Variants in GALM observed in about 807,000 individuals in gnomAD.
The protein encoded by GALM is aldose 1-epimerase.
Under a neutral mutation model 37.4 loss-of-function variants are expected in GALM, and 43 were observed. The observed-to-expected ratio is 1.15, with a 90% CI of 0.90 to 1.48. GALM has a LOEUF of 1.48. Among genes scored for constraint, GALM ranks in the 40% most tolerant of loss-of-function variants. The probability of loss-of-function intolerance (pLI) is 0.00; values close to 1 mark genes in which losing one functional copy is unlikely to be tolerated. For synonymous variants in GALM, 199 were observed against 170.6 expected, an observed-to-expected ratio of 1.17 and a Z score of -1.30; for missense variants, 456 against 419.1, an observed-to-expected ratio of 1.09 and a Z score of -0.77.
chr2:38,690,037 G>A, intron 4 of GALM, 143 bp downstream of exon 4: 5 of 582,896 alleles, frequency 8.6e-6, no homozygotes, highest in Non-Finnish European at 1.5e-5. Context: ...TAATTTCTTA[G>A]TTTTGATATG....
At chr2:38,732,610 C>T (rs1666629580) in intron 6 of GALM, among the ~76,000 whole-genome samples, 1 of 152,178 alleles carries the variant, frequency 6.6e-6, no homozygotes, top group African/African-American at 2.4e-5. Context: ...CCTGAAAGTG[C>T]CAGCCCACAA....
At chr2:38,703,080 ATATATATATATATTTTTT>A (rs1665957468) in intron 4 of GALM, among the ~76,000 whole-genome samples, 1 of 6,892 alleles carries the variant, frequency 1.5e-4, no homozygotes, top group Non-Finnish European at 3.1e-4. Flanking sequence ...ATATATATAT[ATATATATATATATTTTTT>A]TTTTTTTTTT....
chr2:38,726,740 A>G (rs1345017371), intron 4 of GALM, among the ~76,000 whole-genome samples: 2 of 151,510 alleles, frequency 1.3e-5, no homozygotes, highest in Non-Finnish European at 2.9e-5. Flanking sequence ...TACTAAAAAT[A>G]CAACAATTAG....
Position 38,731,844 on chromosome 2 carries a change from G to A in GALM, c.886G>A (p.Ala296Thr), listed in dbSNP as rs536111413. 27 of 1,614,106 alleles carry A rather than the reference G, an allele frequency of 1.7e-5. No homozygotes were observed. The South Asian group carries it at 2.4e-4, about 14-fold the overall frequency. The change falls in exon 6 of 7, where the codon GCT (alanine) becomes ACT (threonine). Residue 296 changes from alanine to threonine, a missense_variant. Transcript: ENST00000272252. ...LDGTLKGKNG[A>T]VYPKHSGFCL... ...TGGCACATTAAAGGGCAAGAATGGA[G>A]CTGTCTATCCCAAGCACTCCGGTTT... is the stretch of plus-strand genomic sequence containing the variant.
chr2:38,710,586 G>T (rs772499524), intron 4 of GALM, among the ~76,000 whole-genome samples: 2 of 152,040 alleles, frequency 1.3e-5, no homozygotes, highest in Non-Finnish European at 2.9e-5. Context: ...AAAATTTGTT[G>T]TAGAGGCAGG....
At chr2:38,709,187 G>A (rs1666103071) in intron 4 of GALM, among the ~76,000 whole-genome samples, 1 of 152,156 alleles carries the variant, frequency 6.6e-6, no homozygotes, top group Non-Finnish European at 1.5e-5. Flanking sequence ...GAAAACCAGG[G>A]GAATATGGCA....
chr2:38,729,708 T>C lies in GALM; in HGVS notation c.776+11T>C, dbSNP rs893060297. ...GCATTTTTGTGCAAGGTCAGGTACT[T>C]TTCACTTCCTGAGTCTGTAAGGAAG... is the stretch of plus-strand genomic sequence containing the variant. On this transcript the variant is annotated intron_variant, in intron 5 of 6. Coordinates refer to ENST00000272252, the MANE Select transcript of GALM (RefSeq NM_138801.3). 6.2e-7 allele frequency: 1 copy of C among 1,606,170 alleles called. No individual in the cohort carries two copies. Among genetic ancestry groups the C allele is most frequent in the Non-Finnish European group, 8.5e-7 (1 of 1,174,442 alleles).
chr2:38,725,549 T>C (rs868663566), intron 4 of GALM, among the ~76,000 whole-genome samples: 5 of 148,702 alleles, frequency 3.4e-5, no homozygotes, highest in Middle Eastern at 3.5e-3. Flanking sequence ...AACACACACA[T>C]ACACACACAC....
intron 4 of GALM, among the ~76,000 whole-genome samples, chr2:38,724,313 G>A (rs561688687): frequency 5.3e-5 from 8 of 152,160 alleles, no homozygotes; most frequent in Non-Finnish European, 8.8e-5. Flanking sequence ...TATGATGAAC[G>A]TTTTGAGAAA....
rs1233032205 is a variant in GALM at position 38,714,218 on chromosome 2, G to C, written c.635-15338G>C. Among the ~76,000 whole-genome samples the C allele has an allele frequency of 2.0e-5, 3 of 151,630 alleles. No homozygotes were observed. In the East Asian group the frequency reaches 5.8e-4, roughly 29 times the overall value. On this transcript the variant is annotated intron_variant, in intron 4 of 6. Transcript: ENST00000272252. Reference sequence around the variant, plus strand: ...CTACTTTGGGGTTTTTTTTGCGGGGGGGTTGTTGTTTTTTGAGATGGAGTC... The same window carrying C: ...CTACTTTGGGGTTTTTTTTGCGGGGCGGTTGTTGTTTTTTGAGATGGAGTC...
chr2:38,675,893 T>C lies in GALM; in HGVS notation c.191-19T>C, dbSNP rs889233872. 3 of 1,613,496 alleles carry C rather than the reference T, an allele frequency of 1.9e-6. No homozygotes were observed. Among genetic ancestry groups the C allele is most frequent in the Non-Finnish European group, 2.5e-6 (3 of 1,179,740 alleles). ...CTGAATTGAAGTTTTAAAAGTGCTG[T>C]CATCCCTTGTCCTTGCAGGATACCT... On this transcript the variant is annotated intron_variant, in intron 1 of 6. Transcript: ENST00000272252.
At position 38,703,556 on chromosome 2, in the gene GALM, G is replaced by T. The variant is rs376152632; in HGVS notation, c.634+13662G>T. Among the ~76,000 whole-genome samples, 17 of 152,234 alleles carry T rather than the reference G, an allele frequency of 1.1e-4. No individual in the cohort carries two copies. In the East Asian group the frequency reaches 3.1e-3, roughly 28 times the overall value. ...TGACTGAATCTGTAAAATCTGACTT[G>T]ATGAGGATTATATTCATTGAACTCT... On this transcript the variant is annotated intron_variant, in intron 4 of 6. Coordinates refer to ENST00000272252, the MANE Select transcript of GALM (RefSeq NM_138801.3).
intron 6 of GALM, among the ~76,000 whole-genome samples, chr2:38,732,989 G>A (rs1666635996): frequency 6.6e-6 from 1 of 151,534 alleles, no homozygotes; most frequent in Non-Finnish European, 1.5e-5. Context: ...GAGAGTCTGA[G>A]GCAGGTGTAT....
chr2:38,694,826 G>A (rs934275811), intron 4 of GALM, among the ~76,000 whole-genome samples: 1 of 151,248 alleles, frequency 6.6e-6, no homozygotes, highest in Non-Finnish European at 1.5e-5. Context: ...GAACCCGGGA[G>A]GTGGAGGTTG....
intron 4 of GALM, among the ~76,000 whole-genome samples, chr2:38,709,497 G>A (rs1394208972): frequency 6.6e-6 from 1 of 151,024 alleles, no homozygotes; most frequent in Non-Finnish European, 1.5e-5. Flanking sequence ...ACATCCAGAA[G>A]CAATACCCTC....
At chr2:38,692,466 G>A (rs1261354449) in intron 4 of GALM, among the ~76,000 whole-genome samples, 2 of 152,086 alleles carry the variant, frequency 1.3e-5, no homozygotes, top group African/African-American at 2.4e-5. Flanking sequence ...GCCTAGGCTG[G>A]TCTTGAATCC....
intron 4 of GALM, among the ~76,000 whole-genome samples, chr2:38,722,125 G>GGA (rs1197618652): frequency 6.8e-6 from 1 of 146,728 alleles, no homozygotes; most frequent in Admixed American, 7.1e-5. Flanking sequence ...TTTGGGAGGC[G>GGA]GAGGCAGCTG....
intron 3 of GALM, among the ~76,000 whole-genome samples, chr2:38,684,664 G>T (rs907609492): frequency 2.6e-5 from 4 of 152,112 alleles, no homozygotes; most frequent in Admixed American, 6.5e-5. Context: ...AAAATTAGCT[G>T]GGCGTTGTGG....
Position 38,733,505 on chromosome 2 carries a change from G to A in GALM, c.969G>A (p.Val323=). 6.2e-7 allele frequency: 1 copy of A among 1,613,958 alleles called. No individual in the cohort carries two copies. The highest frequency in any genetic ancestry group is 8.5e-7 in the Non-Finnish European group (1 of 1,179,908). Residue 323 remains valine, a synonymous_variant, in exon 7 of 7, where the codon GTG becomes GTA. Transcript: ENST00000272252. ...CTTCACAGCCCCGCTTCCCTCCTGTGCTGCTGAGGCCTGGTGAGGAGTATG... is the reference window on the plus strand; with the variant it reads ...CTTCACAGCCCCGCTTCCCTCCTGTACTGCTGAGGCCTGGTGAGGAGTATG... ...DAVNQPRFPP[V]LLRPGEEYDH... is the part of the protein sequence containing the mutation.
Sources: allele counts gnomAD v4.1 joint callset (sites outside exome capture counted in the v4.1 genomes callset), GRCh38; gene constraint gnomAD v4.1.1; transcripts MANE v1.5; gene names NCBI Gene and HGNC (gene_info 2026-07-23, HGNC 2026-07-21).